The following EEPD1 variants were observed in gnomAD, a reference collection of about 807,000 sequenced individuals.
EEPD1 encodes endonuclease/exonuclease/phosphatase family domain containing 1.
Under a neutral mutation model 46.3 loss-of-function variants are expected in EEPD1, and 17 were observed. That is an observed-to-expected ratio of 0.37 (90% CI 0.25 to 0.55). The LOEUF (loss-of-function observed/expected upper bound fraction) is 0.55, where lower values mean the gene tolerates loss of function less well. EEPD1 is among the 20% of genes least tolerant of loss of function. The probability of loss-of-function intolerance (pLI) is 0.83; values close to 1 mark genes in which losing one functional copy is unlikely to be tolerated. For missense variants in EEPD1, 673 were observed against 745.6 expected, an observed-to-expected ratio of 0.90 and a Z score of 1.13; for synonymous variants, 313 against 315.6, an observed-to-expected ratio of 0.99 and a Z score of 0.09.
At chr7:36,257,492 C>G (rs1297856493) in intron 3 of EEPD1, among the ~76,000 whole-genome samples, 1 of 152,078 alleles carries the variant, frequency 6.6e-6, no homozygotes, top group Non-Finnish European at 1.5e-5. Flanking sequence ...TTCACATAGT[C>G]CCATATTTCT....
chr7:36,278,062 A>G (rs1209054183), intron 3 of EEPD1, among the ~76,000 whole-genome samples: 14 of 152,224 alleles, frequency 9.2e-5, no homozygotes, highest in Admixed American at 9.2e-4. Flanking sequence ...GTTAAAATGC[A>G]GACTTCTAGG....
chr7:36,173,911 A>G (rs1785131778), intron 2 of EEPD1, among the ~76,000 whole-genome samples: 1 of 152,218 alleles, frequency 6.6e-6, no homozygotes. Context: ...ACTTTCCAGC[A>G]TCCTTTGCAG....
chr7:36,196,393 ATCTCCCTCTCCC>A (rs1292603533), intron 2 of EEPD1, among the ~76,000 whole-genome samples: 1 of 145,934 alleles, frequency 6.9e-6, no homozygotes, highest in Admixed American at 6.7e-5. Flanking sequence ...TCCCTCTCCC[ATCTCCCTCTCCC>A]TCTCCCTCTC....
intron 3 of EEPD1, among the ~76,000 whole-genome samples, chr7:36,275,433 T>A (rs1000372732): frequency 2.0e-5 from 3 of 151,944 alleles, no homozygotes; most frequent in African/African-American, 4.8e-5. Context: ...CACCTTTATT[T>A]TTATTATTAT....
intron 3 of EEPD1, among the ~76,000 whole-genome samples, chr7:36,276,105 A>G (rs1405826276): frequency 6.6e-6 from 1 of 152,190 alleles, no homozygotes; most frequent in African/African-American, 2.4e-5. Flanking sequence ...TGGGTAACCT[A>G]CTGAGGCTGA....
intron 2 of EEPD1, among the ~76,000 whole-genome samples, chr7:36,220,179 A>C (rs560041678): frequency 7.9e-5 from 12 of 152,324 alleles, no homozygotes; most frequent in African/African-American, 2.9e-4. Context: ...AGAACAATTC[A>C]GGAAGAACAA....
chr7:36,266,185 C>T (rs1016239588), intron 3 of EEPD1, among the ~76,000 whole-genome samples: 1 of 152,288 alleles, frequency 6.6e-6, no homozygotes, highest in African/African-American at 2.4e-5. Flanking sequence ...AGAACTGCTT[C>T]TACTTAGAAT....
intron 3 of EEPD1, among the ~76,000 whole-genome samples, chr7:36,250,606 A>G (rs1786721108): frequency 6.6e-6 from 1 of 152,236 alleles, no homozygotes; most frequent in African/African-American, 2.4e-5. Flanking sequence ...TGACAGAGAC[A>G]GTATAGCCCA....
intron 3 of EEPD1, among the ~76,000 whole-genome samples, chr7:36,267,419 C>T (rs150239924): frequency 6.6e-6 from 1 of 152,258 alleles, no homozygotes. Context: ...GTCCTGCAAA[C>T]TCTCCATGCT....
intron 3 of EEPD1, among the ~76,000 whole-genome samples, chr7:36,255,990 C>G (rs2115820003): frequency 6.6e-6 from 1 of 152,310 alleles, no homozygotes; most frequent in South Asian, 2.1e-4. Flanking sequence ...CTAAACACTG[C>G]TTTAGCTGTG....
At chr7:36,174,908 C>A (rs1175876566) in intron 2 of EEPD1, among the ~76,000 whole-genome samples, 1 of 152,210 alleles carries the variant, frequency 6.6e-6, no homozygotes, top group Non-Finnish European at 1.5e-5. Context: ...AGGAACGATG[C>A]CCAAATTGGG....
intron 2 of EEPD1, among the ~76,000 whole-genome samples, chr7:36,171,739 A>G (rs991794233): frequency 3.3e-5 from 5 of 152,208 alleles, no homozygotes; most frequent in Non-Finnish European, 7.3e-5. Flanking sequence ...GTACCTATAT[A>G]TACAGTTGGC....
intron 3 of EEPD1, among the ~76,000 whole-genome samples, chr7:36,277,868 AG>A (rs1248835385): frequency 6.6e-6 from 1 of 152,058 alleles, no homozygotes; most frequent in African/African-American, 2.4e-5. Flanking sequence ...ATTAAAGGAC[AG>A]GGCTTCAAGC....
intron 3 of EEPD1, among the ~76,000 whole-genome samples, chr7:36,245,004 A>T (rs111737437): frequency 6.7e-6 from 1 of 149,864 alleles, no homozygotes; most frequent in Non-Finnish European, 1.5e-5. Context: ...AGAGTGCAGT[A>T]GTATGATCTC....
At chr7:36,173,079 G>A (rs1785117088) in intron 2 of EEPD1, among the ~76,000 whole-genome samples, 1 of 152,098 alleles carries the variant, frequency 6.6e-6, no homozygotes, top group Non-Finnish European at 1.5e-5. Flanking sequence ...GTTTAGCTCT[G>A]TGTCCCCACC....
chr7:36,204,438 G>A (rs947747205), intron 2 of EEPD1, among the ~76,000 whole-genome samples: 1 of 152,210 alleles, frequency 6.6e-6, no homozygotes, highest in Non-Finnish European at 1.5e-5. Context: ...GGAGGAGAAG[G>A]AGGAGGGACT....
At chr7:36,200,764 A>C (rs1415935533) in intron 2 of EEPD1, among the ~76,000 whole-genome samples, 1 of 151,874 alleles carries the variant, frequency 6.6e-6, no homozygotes, top group Non-Finnish European at 1.5e-5. Flanking sequence ...ACGTTAAAAA[A>C]CCCGTCACCA....
intron 3 of EEPD1, among the ~76,000 whole-genome samples, chr7:36,263,209 G>A (rs971316721): frequency 6.6e-6 from 1 of 152,098 alleles, no homozygotes; most frequent in Non-Finnish European, 1.5e-5. Context: ...ATGCACGTCT[G>A]TAGTCCCAGC....
intron 2 of EEPD1, among the ~76,000 whole-genome samples, chr7:36,178,232 C>T (rs959643010): frequency 2.6e-5 from 4 of 151,006 alleles, no homozygotes; most frequent in South Asian, 2.1e-4. Flanking sequence ...GCCATCCCCG[C>T]GGTTACTGTT....
Sources: gnomAD v4.1 joint callset for allele counts (sites outside exome capture counted in the v4.1 genomes callset) on GRCh38, gnomAD v4.1.1 for gene constraint, MANE v1.5 for transcripts, NCBI Gene and HGNC (gene_info 2026-07-23, HGNC 2026-07-21) for gene names.